The following ARHGAP26 variants were observed in gnomAD, a reference collection of about 807,000 sequenced individuals.
The protein encoded by ARHGAP26 is rho GTPase-activating protein 26.
ARHGAP26 carries 38 observed loss-of-function variants against 104.8 expected under a neutral mutation model. The observed-to-expected ratio is 0.36, with a 90% CI of 0.28 to 0.48. The LOEUF is 0.48. ARHGAP26 is among the 20% of genes least tolerant of loss of function. The probability of loss-of-function intolerance (pLI) is 0.99; values close to 1 mark genes in which losing one functional copy is unlikely to be tolerated. For missense variants in ARHGAP26, 704 were observed against 947.9 expected (o/e 0.74, Z 3.38); for synonymous variants, 341 against 340.0 (o/e 1.00, Z -0.03).
chr5:142,884,655 C>T (rs982608849), intron 4 of ARHGAP26, among the ~76,000 whole-genome samples: 4 of 152,198 alleles, frequency 2.6e-5, no homozygotes, highest in South Asian at 2.1e-4. Context: ...TTATGCCAAA[C>T]GCTATCCTTG....
In ARHGAP26 at chr5:142,894,227, C is replaced by G; in HGVS notation, c.487-11C>G. The G allele has an allele frequency of 6.2e-7, 1 of 1,611,046 alleles. No individual in the cohort carries two copies. ...ACTTGATTTTTCTCTTAAATTCCAT[C>G]TTGTTTGTAGGCAGACAGCCAAGTG... On this transcript the variant is annotated splice_polypyrimidine_tract_variant and intron_variant, in intron 5 of 22. Coordinates refer to ENST00000645722, the MANE Select transcript of ARHGAP26 (RefSeq NM_001135608.3).
chr5:143,049,726 A>G (rs1438481557), intron 14 of ARHGAP26, among the ~76,000 whole-genome samples: 1 of 152,192 alleles, frequency 6.6e-6, no homozygotes, highest in African/African-American at 2.4e-5. Flanking sequence ...GGTATTGTAC[A>G]TAATTTGAGC....
chr5:143,193,246 T>C (rs1214931420), intron 20 of ARHGAP26, among the ~76,000 whole-genome samples: 18 of 95,548 alleles, frequency 1.9e-4, no homozygotes, highest in South Asian at 1.1e-3. Context: ...TTTTCTTTTT[T>C]TTTTTTTTTT....
intron 1 of ARHGAP26, among the ~76,000 whole-genome samples, chr5:142,865,845 G>T (rs1455623064): frequency 6.6e-6 from 1 of 152,122 alleles, no homozygotes; most frequent in African/African-American, 2.4e-5. Flanking sequence ...TTCCCACTCT[G>T]ACCTCCTGTC....
chr5:142,833,094 T>TG (rs1475027008), intron 1 of ARHGAP26, among the ~76,000 whole-genome samples: 1 of 152,162 alleles, frequency 6.6e-6, no homozygotes, highest in African/African-American at 2.4e-5. Context: ...TCACTTTTGT[T>TG]GCCCAGGCTG....
chr5:142,782,805 A>G lies in ARHGAP26; in HGVS notation c.154+11890A>G, dbSNP rs574704747. On this transcript the variant is annotated intron_variant, in intron 1 of 22. Transcript: ENST00000645722. ...AGCAGCTGAGATAATTGTAGATATT[A>G]TGCTTAGCAGTGTAAGCAGGCCTGT... Among the ~76,000 whole-genome samples the G allele has an allele frequency of 2.6e-5, 4 of 152,350 alleles. No homozygotes were observed. The South Asian group carries it at 8.3e-4, about 32-fold the overall frequency.
chr5:142,852,730 G>C lies in ARHGAP26; in HGVS notation c.155-20670G>C, dbSNP rs1020652852. On this transcript the variant is annotated intron_variant, in intron 1 of 22. Transcript: ENST00000645722. ...AGGTTCTTTGATCCAGAGGAGGTCT[G>C]TGTTTCCCTGGAACTCTGTCATCAT... Among the ~76,000 whole-genome samples the C allele has an allele frequency of 4.6e-5, 7 of 152,216 alleles. 1 individual carries two copies. The East Asian group carries it at 1.3e-3, about 29-fold the overall frequency.
intron 15 of ARHGAP26, among the ~76,000 whole-genome samples, chr5:143,055,302 A>G (rs962566325): frequency 6.6e-6 from 1 of 152,212 alleles, no homozygotes; most frequent in Non-Finnish European, 1.5e-5. Flanking sequence ...GGCCACAGAA[A>G]AGGAATTGCT....
At chr5:143,092,171 T>TG (rs1791536829) in intron 17 of ARHGAP26, among the ~76,000 whole-genome samples, 1 of 13,828 alleles carries the variant, frequency 7.2e-5, no homozygotes, top group South Asian at 1.9e-3. Flanking sequence ...TTTTTTTTTG[T>TG]TTTTTTTTTT....
chr5:143,143,287 G>C (rs920920475), intron 19 of ARHGAP26, among the ~76,000 whole-genome samples: 1 of 152,108 alleles, frequency 6.6e-6, no homozygotes, highest in African/African-American at 2.4e-5. Flanking sequence ...TCCTGGCCTC[G>C]CCTCTGGGTT....
At chr5:143,158,630 C>T (rs1241461146) in intron 20 of ARHGAP26, among the ~76,000 whole-genome samples, 1 of 152,200 alleles carries the variant, frequency 6.6e-6, no homozygotes, top group South Asian at 2.1e-4. Context: ...CTATCAAATT[C>T]TCTTCTAATA....
intron 11 of ARHGAP26, among the ~76,000 whole-genome samples, chr5:143,012,545 A>ATATT (rs1325460708): frequency 3.5e-5 from 2 of 56,696 alleles, no homozygotes; most frequent in African/African-American, 1.1e-4. Flanking sequence ...ATTTATATAC[A>ATATT]TACATACATA....
At chr5:143,207,506 G>A (rs189548524) in intron 21 of ARHGAP26, 198 bp downstream of exon 21, 50 of 1,609,434 alleles carry the variant, frequency 3.1e-5, no homozygotes, top group Middle Eastern at 1.7e-4. Context: ...ATCTGTTCCC[G>A]TTTATCCAAA....
chr5:143,055,981 G>T, intron 15 of ARHGAP26, 47 bp from the exon 16 acceptor site: 1 of 1,370,002 alleles, frequency 7.3e-7, no homozygotes, highest in South Asian at 1.2e-5. Flanking sequence ...GAGAGAATAT[G>T]ATTATTCTTA....
At chr5:143,031,017 G>A (rs1434027523) in intron 12 of ARHGAP26, among the ~76,000 whole-genome samples, 1 of 152,156 alleles carries the variant, frequency 6.6e-6, no homozygotes, top group African/African-American at 2.4e-5. Context: ...AGGTGGGAAC[G>A]TCTGAGTGAG....
chr5:143,159,735 A>G (rs1414041041), intron 20 of ARHGAP26, among the ~76,000 whole-genome samples: 1 of 152,214 alleles, frequency 6.6e-6, no homozygotes, highest in Non-Finnish European at 1.5e-5. Flanking sequence ...ACTATTTTAT[A>G]TAAGAATCCA....
Position 143,227,630 on chromosome 5 carries a change from G to A in ARHGAP26, c.*5184G>A, listed in dbSNP as rs1811772374. 1 of 229,462 alleles carries A rather than the reference G, an allele frequency of 4.4e-6. No individual in the cohort carries two copies. The highest frequency in any genetic ancestry group is 5.7e-5 in the Admixed American group (1 of 17,632). The allele number at this position is 229,462 out of a possible 1,614,324, so 14.2% of individuals were successfully genotyped here. ...TTTTCTCCTGCCGCCTACAGTACCTGTCTAACTAAAGAGCTTCCCAAAGTG... is the reference window on the plus strand; with the variant it reads ...TTTTCTCCTGCCGCCTACAGTACCTATCTAACTAAAGAGCTTCCCAAAGTG... On this transcript the variant is annotated 3_prime_UTR_variant, in exon 23 of 23. Transcript: ENST00000645722.
At chr5:142,826,452 A>T (rs942352906) in intron 1 of ARHGAP26, among the ~76,000 whole-genome samples, 1 of 152,260 alleles carries the variant, frequency 6.6e-6, no homozygotes, top group Non-Finnish European at 1.5e-5. Context: ...AGAGGGGTAA[A>T]TAAGTTGCCC....
intron 17 of ARHGAP26, among the ~76,000 whole-genome samples, chr5:143,111,887 C>T (rs1027024214): frequency 2.0e-5 from 3 of 152,212 alleles, no homozygotes; most frequent in Admixed American, 6.5e-5. Flanking sequence ...CCAACTGCCC[C>T]CAGCTTGGCA....
Sources: allele counts gnomAD v4.1 joint callset (sites outside exome capture counted in the v4.1 genomes callset), GRCh38; gene constraint gnomAD v4.1.1; transcripts MANE v1.5; gene names NCBI Gene and HGNC (gene_info 2026-07-23, HGNC 2026-07-21).